Variants in LPIN1 observed in about 807,000 individuals in gnomAD.
LPIN1 encodes the protein phosphatidate phosphatase LPIN1.
LPIN1 carries 71 observed loss-of-function variants against 107.5 expected under a neutral mutation model. That is an observed-to-expected ratio of 0.66 (90% CI 0.55 to 0.80). The LOEUF (loss-of-function observed/expected upper bound fraction) is 0.80, where lower values mean the gene tolerates loss of function less well. Among genes scored for constraint, LPIN1 ranks in the 30% least tolerant of loss-of-function variants. The pLI is 0.00. For missense variants in LPIN1, 1,043 were observed against 1,160.6 expected, an observed-to-expected ratio of 0.90 and a Z score of 1.47; for synonymous variants, 445 against 452.6, an observed-to-expected ratio of 0.98 and a Z score of 0.21.
chr2:11,804,596 A>G (rs949147312), intron 16 of LPIN1, 25 bp downstream of exon 16: 4 of 1,610,868 alleles, frequency 2.5e-6, no homozygotes, highest in South Asian at 1.1e-5. Context: ...CTTGGGGCCC[A>G]TGGTAGATTT....
intron 1 of LPIN1, among the ~76,000 whole-genome samples, chr2:11,687,845 C>G (rs542235465): frequency 1.3e-5 from 2 of 152,228 alleles, no homozygotes; most frequent in African/African-American, 4.8e-5. Context: ...TTAAATGAGG[C>G]CATGGCAGGG....
chr2:11,723,235 T>C (rs1664284013), upstream of LPIN1, among the ~76,000 whole-genome samples: 1 of 152,236 alleles, frequency 6.6e-6, no homozygotes, highest in South Asian at 2.1e-4. Flanking sequence ...GACCCATGGT[T>C]CATGAACTGA....
chr2:11,777,571 G>A (rs1290210005), intron 6 of LPIN1: 2 of 152,194 alleles, frequency 1.3e-5, no homozygotes, highest in Non-Finnish European at 2.9e-5. Context: ...ATCTGCCTCT[G>A]TCAGACTTTC....
In LPIN1 at chr2:11,683,662, C is replaced by T. The variant is rs533757432; in HGVS notation, c.81+5934C>T. Among the ~76,000 whole-genome samples, 19 of 152,302 alleles carry T rather than the reference C, an allele frequency of 1.2e-4. No individual in the cohort carries two copies. The South Asian group carries it at 2.7e-3, about 22-fold the overall frequency. On this transcript the variant is annotated intron_variant, in intron 1 of 21. Transcript: ENST00000449576. ...TCTATGCAGAGGAGAGAAGATGGGG[C>T]GTGGCTTCCCCCCAATGCTGTGGTC...
At chr2:11,782,528 C>A in intron 8 of LPIN1, 21 bp downstream of exon 8, 2 of 1,613,164 alleles carry the variant, frequency 1.2e-6, no homozygotes, top group South Asian at 2.2e-5. Flanking sequence ...TGGGGCTTCC[C>A]GGCTCTTTTT....
intron 3 of LPIN1, among the ~76,000 whole-genome samples, chr2:11,768,796 C>T (rs547337722): frequency 6.6e-6 from 1 of 152,072 alleles, no homozygotes; most frequent in Non-Finnish European, 1.5e-5. Context: ...ATTAGCTGGG[C>T]GTGGTGGCGG....
intron 1 of LPIN1, among the ~76,000 whole-genome samples, chr2:11,749,676 C>G (rs766622817): frequency 9.2e-5 from 14 of 152,180 alleles, no homozygotes; most frequent in Non-Finnish European, 2.1e-4. Flanking sequence ...CAGTGTCTGG[C>G]CCACAGGCTG....
In LPIN1 at chr2:11,771,332, A is replaced by G. The variant is rs748209180; in HGVS notation, c.289-40A>G. 6.2e-7 allele frequency: 1 copy of G among 1,605,086 alleles called. No homozygotes were observed. Among genetic ancestry groups the G allele is most frequent in the Non-Finnish European group, 8.5e-7 (1 of 1,171,834 alleles). On this transcript the variant is annotated intron_variant, in intron 3 of 20. Transcript: ENST00000674199. The surrounding 1 kb of genome is among the most constrained non-coding windows in gnomAD (Gnocchi z 4.8). ...GCAAGGCCCTGCTTCTTATACCTGA[A>G]TTAACGAGGCTCTTTTTAGAAAATG... is the stretch of plus-strand genomic sequence containing the variant.
At chr2:11,733,143 A>T (rs1665421442) in intron 1 of LPIN1, among the ~76,000 whole-genome samples, 1 of 152,138 alleles carries the variant, frequency 6.6e-6, no homozygotes, top group Non-Finnish European at 1.5e-5. Flanking sequence ...TCGGTTTAGC[A>T]ACCACTTGAT....
chr2:11,784,758 A>G, intron 9 of LPIN1, 128 bp from the exon 10 acceptor site: 1 of 850,386 alleles, frequency 1.2e-6, no homozygotes, highest in Non-Finnish European at 2.1e-6. Flanking sequence ...TTTAATAAAC[A>G]TCTGTGCTGA....
chr2:11,678,841 T>G (rs1364744531), intron 1 of LPIN1, among the ~76,000 whole-genome samples: 1 of 152,166 alleles, frequency 6.6e-6, no homozygotes, highest in East Asian at 1.9e-4. Context: ...GGGAGAGACA[T>G]CAGGCTGGTC....
At chr2:11,823,187 C>G (rs1266868845) in intron 20 of LPIN1, 1 of 152,356 alleles carries the variant, frequency 6.6e-6, no homozygotes, top group East Asian at 1.9e-4. Context: ...TGCGTAAGCT[C>G]TGCCTGCTTG....
chr2:11,703,017 T>C (rs1662959279), intron 1 of LPIN1, among the ~76,000 whole-genome samples: 1 of 152,204 alleles, frequency 6.6e-6, no homozygotes, highest in Non-Finnish European at 1.5e-5. Flanking sequence ...CAAAATGAGT[T>C]ACCTGACATG....
intron 1 of LPIN1, among the ~76,000 whole-genome samples, chr2:11,684,252 ACT>A (rs527501883): frequency 3.9e-5 from 6 of 151,906 alleles, no homozygotes; most frequent in African/African-American, 1.4e-4. Flanking sequence ...AGGGTGATGG[ACT>A]CTCTTGTCTC....
intron 1 of LPIN1, among the ~76,000 whole-genome samples, chr2:11,693,109 G>A (rs1332514788): frequency 2.0e-5 from 3 of 152,080 alleles, no homozygotes; most frequent in South Asian, 2.1e-4. Flanking sequence ...CTAGAGAGTC[G>A]GAGAAATAGA....
Position 11,765,479 on chromosome 2 carries a change from T to C in LPIN1, c.-9-54T>C. On this transcript the variant is annotated intron_variant, in intron 1 of 20. Transcript: ENST00000674199. The surrounding 1 kb of genome is among the most constrained non-coding windows in gnomAD (Gnocchi z 4.4). Reference sequence around the variant, plus strand: ...TGGTGAGGAGTTCATTTTGATTGGCTCTTCCTTGGATTAATTGTGTGTCTG... The same window carrying C: ...TGGTGAGGAGTTCATTTTGATTGGCCCTTCCTTGGATTAATTGTGTGTCTG... The C allele has an allele frequency of 6.5e-7, 1 of 1,529,652 alleles. No homozygotes were observed. Among genetic ancestry groups the C allele is most frequent in the Non-Finnish European group, 8.9e-7 (1 of 1,119,690 alleles). 94.8% of individuals were successfully genotyped at this position (1,529,652 alleles called of 1,614,324 possible).
chr2:11,724,438 G>A lies in LPIN1; in HGVS notation c.-173G>A, dbSNP rs897080841. On this transcript the variant is annotated 5_prime_UTR_variant, in exon 1 of 22. Coordinates refer to the LPIN1 transcript ENST00000396097. The stretch of plus-strand genomic sequence containing the variant: ...GGGAAGAGAGATGAAGGGCAAGACC[G>A]GGGCCAGCCATGCCTGTCCTAACAG... 6 of 985,740 alleles carry A rather than the reference G, an allele frequency of 6.1e-6. No homozygotes were observed. The African/African-American group carries it at 8.7e-5, about 14-fold the overall frequency. The allele number at this position is 985,740 out of a possible 1,614,324, so 61.1% of individuals were successfully genotyped here.
chr2:11,743,241 C>T (rs1572511936), upstream of LPIN1, among the ~76,000 whole-genome samples: 1 of 152,326 alleles, frequency 6.6e-6, no homozygotes, highest in Admixed American at 6.5e-5. The surrounding 1 kb of genome is among the most constrained non-coding windows in gnomAD (Gnocchi z 4.7). Flanking sequence ...ACTTCCTGTG[C>T]CTCAACTCTA....
At chr2:11,746,603 A>C (rs1469982812), upstream of LPIN1, 1 of 984,508 alleles carries the variant, frequency 1.0e-6, no homozygotes, top group East Asian at 1.1e-4. Context: ...CCCGAAGGCG[A>C]GCTGCGCTGA....
Sources: gnomAD v4.1 joint callset for allele counts (sites outside exome capture counted in the v4.1 genomes callset) on GRCh38, gnomAD v4.1.1 for gene constraint, Gnocchi (gnomAD v3.1) non-coding constraint, MANE v1.5 for transcripts, NCBI Gene and HGNC (gene_info 2026-07-23, HGNC 2026-07-21) for gene names.